Variants in STIL observed in about 807,000 individuals in gnomAD.
STIL encodes the protein SCL-interrupting locus protein.
In STIL, 55 loss-of-function variants were observed where a neutral mutation model predicts 110.1. The ratio of observed to expected loss-of-function variants is 0.50; its 90% CI spans 0.40 to 0.63. The LOEUF is 0.63. Among genes scored for constraint, STIL ranks in the 20% least tolerant of loss-of-function variants. STIL has a pLI of 0.00. For synonymous variants in STIL, 481 were observed against 530.0 expected (o/e 0.91, Z 1.27); for missense variants, 1,358 against 1,530.0 (o/e 0.89, Z 1.87).
At chr1:47,269,502 T>A (rs1256295736) in intron 14 of STIL, 133 bp downstream of exon 14, 2 of 674,902 alleles carry the variant, frequency 3.0e-6, no homozygotes, top group Non-Finnish European at 5.1e-6. Flanking sequence ...GATTTGTTGG[T>A]CTGATTTAAT....
chr1:47,313,790 C>T (rs940871655), intron 1 of STIL, among the ~76,000 whole-genome samples: 1 of 152,142 alleles, frequency 6.6e-6, no homozygotes, highest in Non-Finnish European at 1.5e-5. Flanking sequence ...CAAGAAATTC[C>T]CACCGTAAAA....
At chr1:47,276,002 C>CTTTTTT (rs11481235) in intron 12 of STIL, among the ~76,000 whole-genome samples, 2 of 146,914 alleles carry the variant, frequency 1.4e-5, no homozygotes. Flanking sequence ...ATGACTCATA[C>CTTTTTT]TTTTTTTTTT....
intron 14 of STIL, among the ~76,000 whole-genome samples, chr1:47,265,881 G>A (rs115490760): frequency 0.029 from 4,449 of 151,144 alleles, 120 homozygotes; most frequent in Non-Finnish European, 0.048. Context: ...CAACTTCCCA[G>A]GCTCCAGCAA....
rs937954192 is a variant in STIL at position 47,251,103 on chromosome 1, G to C, written c.*33C>G. On this transcript the variant is annotated 3_prime_UTR_variant, in exon 17 of 17. Transcript: ENST00000371877. ...CCTAAGTATCTTCAGGAGACACCCT[G>C]TCCCTGTATTAAAAGGGCAGGGAGT... The C allele has an allele frequency of 4.4e-6, 7 of 1,597,502 alleles. No homozygotes were observed. Among genetic ancestry groups the C allele is most frequent in the Middle Eastern group, 2.0e-4 (1 of 5,004 alleles).
rs3043070 is a variant in STIL at position 47,252,778 on chromosome 1, T to TACACACACACAC, written c.3081-868_3081-857dup. Among the ~76,000 whole-genome samples the TACACACACACAC allele has an allele frequency of 4.8e-4, 67 of 140,188 alleles. 1 individual carries two copies. The highest frequency in any genetic ancestry group is 9.7e-4 in the South Asian group (4 of 4,138). The allele number at this position is 140,188 out of a possible 152,430, so 92.0% of individuals were successfully genotyped here. A position where few individuals can be genotyped will look rare whatever the true frequency, so the allele number is the denominator to read the frequency against. ...CAACCAGTCTCTGGATATGGGCTTA[T>TACACACACACAC]ACACACACACACACACACACACACA... On this transcript the variant is annotated intron_variant, in intron 16 of 16. Coordinates refer to ENST00000371877, the MANE Select transcript of STIL (RefSeq NM_001048166.1).
At chr1:47,282,959 T>A (rs1271684294) in intron 10 of STIL, 2 of 154,324 alleles carry the variant, frequency 1.3e-5, no homozygotes, top group African/African-American at 4.8e-5. Flanking sequence ...GGAATACTCA[T>A]TGTATCACAG....
chr1:47,264,673 G>A (rs1313765718), intron 14 of STIL, among the ~76,000 whole-genome samples: 1 of 152,098 alleles, frequency 6.6e-6, no homozygotes, highest in African/African-American at 2.4e-5. Context: ...CTGGAGTTGC[G>A]TGTCATCTAT....
At chr1:47,312,883 C>T (rs1646176173) in intron 1 of STIL, 1 of 152,188 alleles carries the variant, frequency 6.6e-6, no homozygotes. Context: ...ATCATCCTCA[C>T]CCCTTCTTCC....
Position 47,260,360 on chromosome 1 carries a change from T to C in STIL, c.3009A>G (p.Leu1003=). The stretch of plus-strand genomic sequence containing the variant: ...AATCAATTTTTACTCCAAGGCTTCT[T>C]AGTTGCTTAAGAGTTGCATTAAGGA... ...DCVLNATLKQ[L]RSLGVKIDSP... is the part of the protein sequence containing the mutation. Residue 1003 remains leucine, a synonymous_variant, in exon 16 of 17, where the codon CTA becomes CTG. Coordinates refer to ENST00000371877, the MANE Select transcript of STIL (RefSeq NM_001048166.1). 1 of 1,614,190 alleles carries C rather than the reference T, an allele frequency of 6.2e-7. No homozygotes were observed.
At chr1:47,287,722 T>G (rs1385516484) in intron 9 of STIL, 62 bp from the exon 10 acceptor site, 10 of 1,337,292 alleles carry the variant, frequency 7.5e-6, no homozygotes, top group South Asian at 7.2e-5. Context: ...AGAATTCTAT[T>G]TAGATGAAAA....
rs780947763 is a variant in STIL, at chr1:47,287,680, A to G, written c.1024-20T>C. On this transcript the variant is annotated intron_variant, in intron 9 of 16. Transcript: ENST00000371877. ...AACATTCTGAAATGAAGTAGGTCAT[A>G]TTTTGAGATCTGACTTAAATAAGAA... The G allele has an allele frequency of 6.3e-7, 1 of 1,576,892 alleles. No individual in the cohort carries two copies. Among genetic ancestry groups the G allele is most frequent in the Admixed American group, 1.7e-5 (1 of 59,868 alleles).
intron 13 of STIL, among the ~76,000 whole-genome samples, chr1:47,271,646 T>C (rs554415273): frequency 1.3e-5 from 2 of 149,768 alleles, no homozygotes; most frequent in South Asian, 4.2e-4. Flanking sequence ...AATAAATTAA[T>C]ACAAACAAGA....
chr1:47,299,033 C>CT (rs35412832), intron 6 of STIL, among the ~76,000 whole-genome samples: 81,090 of 142,100 alleles, frequency 0.57, 24,881 homozygotes, highest in African/African-American at 0.82. Flanking sequence ...TTTACCACCA[C>CT]TTTTTTTTTT....
In STIL at chr1:47,269,641, A is replaced by G; in HGVS notation, c.2609T>C (p.Val870Ala). 1 of 1,614,092 alleles carries G rather than the reference A, an allele frequency of 6.2e-7. No individual in the cohort carries two copies. The highest frequency in any genetic ancestry group is 8.5e-7 in the Non-Finnish European group (1 of 1,179,918). Reference protein sequence around the residue: ...VEEEFNQPLSVSNSSSLVVRK... With the variant: ...VEEEFNQPLSASNSSSLVVRK... ...TAAATCAAAGAGACCTTACTTGGAT[A>G]CAGAAAGTGGCTGGTTAAATTCTTC... The change falls in exon 14 of 17, where the codon GTA becomes GCA. Residue 870 changes from valine (V) to alanine (A), a missense_variant. Val to Ala is a moderately conservative substitution (Grantham distance 64, BLOSUM62 0). Transcript: ENST00000371877.
intron 10 of STIL, chr1:47,283,109 G>C (rs1397613285): frequency 6.6e-6 from 1 of 152,128 alleles, no homozygotes; most frequent in Non-Finnish European, 1.5e-5. Flanking sequence ...AGTCTCAATA[G>C]GATGCATTAG....
rs777645890 is a variant in STIL at position 47,280,813 on chromosome 1, C to T, written c.1645G>A (p.Glu549Lys). 23 of 1,613,962 alleles carry T rather than the reference C, an allele frequency of 1.4e-5. No homozygotes were observed. Among genetic ancestry groups the T allele is most frequent in the South Asian group, 4.4e-5 (4 of 91,080 alleles). The change falls in exon 12 of 17, where the codon GAA becomes AAA. Residue 549 changes from glutamate to lysine, a missense_variant. Physicochemically the swap from Glu to Lys is moderately conservative, Grantham distance 56 (BLOSUM62 1). Transcript: ENST00000371877. ...QTVSAGNVQN[E>K]EYPIRPSTLN... The stretch of plus-strand genomic sequence containing the variant: ...GTGGAGGGTCTTATAGGATACTCTT[C>T]GTTTTGTACATTTCCAGCAGAAACT...
chr1:47,300,271 G>A (rs1645765527), intron 5 of STIL, 119 bp from the exon 6 acceptor site: 2 of 1,008,930 alleles, frequency 2.0e-6, no homozygotes, highest in Admixed American at 2.8e-5. Flanking sequence ...AATTAAATGA[G>A]TTCTGATTTA....
intron 15 of STIL, among the ~76,000 whole-genome samples, chr1:47,262,390 T>A (rs891081367): frequency 6.6e-6 from 1 of 152,162 alleles, no homozygotes; most frequent in Non-Finnish European, 1.5e-5. Context: ...ACACTACTAC[T>A]CCTCAACAGC....
chr1:47,256,932 G>A (rs1464184751), intron 16 of STIL, among the ~76,000 whole-genome samples: 1 of 152,008 alleles, frequency 6.6e-6, no homozygotes, highest in African/African-American at 2.4e-5. Context: ...GGAGGTGAAG[G>A]TTATGGTGAG....
Sources: allele counts gnomAD v4.1 joint callset (sites outside exome capture counted in the v4.1 genomes callset), GRCh38; gene constraint gnomAD v4.1.1; transcripts MANE v1.5; gene names NCBI Gene and HGNC (gene_info 2026-07-23, HGNC 2026-07-21).